The following HDAC9 variants were observed in gnomAD, a reference collection of about 807,000 sequenced individuals.
The protein encoded by HDAC9 is histone deacetylase 9.
HDAC9 carries 41 observed loss-of-function variants against 139.4 expected under a neutral mutation model. The ratio of observed to expected loss-of-function variants is 0.29; its 90% CI spans 0.23 to 0.38. The LOEUF (loss-of-function observed/expected upper bound fraction) is 0.38, where lower values mean the gene tolerates loss of function less well. Ranked by LOEUF, HDAC9 falls within the 10% of genes least tolerant of loss-of-function variation. The pLI is 1.00. For synonymous variants in HDAC9, 517 were observed against 476.2 expected, an observed-to-expected ratio of 1.09 and a Z score of -1.12; for missense variants, 1,147 against 1,297.0, an observed-to-expected ratio of 0.88 and a Z score of 1.78.
chr7:18,321,773 C>T lies in HDAC9; in HGVS notation c.-42+31258C>T, dbSNP rs192292297. Among the ~76,000 whole-genome samples the T allele has an allele frequency of 1.4e-4, 22 of 152,256 alleles. No homozygotes were observed. The East Asian group carries it at 1.5e-3, about 11-fold the overall frequency. ...TGTATAGTGTGCCCCAGATGAGACG[C>T]GCCCTGGTGCACAATAGAACCATAT... On this transcript the variant is annotated intron_variant, in intron 1 of 3. Transcript: ENST00000413509.
At chr7:18,215,602 T>C (rs555546662) in intron 2 of HDAC9, among the ~76,000 whole-genome samples, 3 of 152,316 alleles carry the variant, frequency 2.0e-5, no homozygotes, top group South Asian at 4.1e-4. Flanking sequence ...GACTGTGTCC[T>C]TGCCCTCAAA....
chr7:18,118,734 A>G (rs1363378634), intron 1 of HDAC9, among the ~76,000 whole-genome samples: 1 of 152,150 alleles, frequency 6.6e-6, no homozygotes, highest in African/African-American at 2.4e-5. Context: ...ATCCTTGTCT[A>G]TTTTGTATCC....
intron 6 of HDAC9, among the ~76,000 whole-genome samples, chr7:18,603,806 A>G (rs903600287): frequency 1.3e-5 from 2 of 152,114 alleles, no homozygotes; most frequent in South Asian, 2.1e-4. Context: ...AACTTTTAAC[A>G]TTTCTTGTAT....
chr7:18,402,365 CT>C (rs1021344744), intron 1 of HDAC9, among the ~76,000 whole-genome samples: 1 of 152,114 alleles, frequency 6.6e-6, no homozygotes, highest in Admixed American at 6.6e-5. Context: ...ATCTTAAAGA[CT>C]GAGTAGGAAT....
chr7:18,387,159 C>T (rs1786014249), intron 1 of HDAC9, among the ~76,000 whole-genome samples: 1 of 152,162 alleles, frequency 6.6e-6, no homozygotes. Flanking sequence ...TTAAAAAGCT[C>T]CCATTTTTAT....
At chr7:18,726,500 A>C (rs1396777888) in intron 12 of HDAC9, among the ~76,000 whole-genome samples, 1 of 152,158 alleles carries the variant, frequency 6.6e-6, no homozygotes, top group Non-Finnish European at 1.5e-5. Context: ...AGACGTTTAA[A>C]AATACTTTGG....
rs967640065 is a variant in HDAC9, at chr7:18,627,957, G to A, written c.665-1393G>A. 6.6e-5 allele frequency among the ~76,000 whole-genome samples: 10 copies of A among 151,882 alleles called. No individual in the cohort carries two copies. In the East Asian group the frequency reaches 7.7e-4, roughly 12 times the overall value. ...ACATATAATGCAAGAGTTCTCCATC[G>A]AAGCTTAAAGCAAAAAGTATAGATA... is the stretch of plus-strand genomic sequence containing the variant. On this transcript the variant is annotated intron_variant, in intron 6 of 25. Transcript: ENST00000686413.
At chr7:18,980,715 C>CTCTTCTTCTTTCT (rs1784862621) in intron 25 of HDAC9, among the ~76,000 whole-genome samples, 1 of 133,466 alleles carries the variant, frequency 7.5e-6, no homozygotes, top group Admixed American at 8.0e-5. Context: ...TTCCTTCTTC[C>CTCTTCTTCTTTCT]TCTTCTTCTT....
chr7:18,348,358 C>T (rs893005611), intron 1 of HDAC9, among the ~76,000 whole-genome samples: 3 of 152,150 alleles, frequency 2.0e-5, no homozygotes. Flanking sequence ...ACACTTACTA[C>T]ATGTGTGATT....
chr7:18,614,483 AAGC>A, intron 6 of HDAC9, among the ~76,000 whole-genome samples: 1 of 152,272 alleles, frequency 6.6e-6, no homozygotes, highest in Non-Finnish European at 1.5e-5. Flanking sequence ...TTAAAGTAGG[AAGC>A]ATCTTTTCAG....
At chr7:18,982,035 T>C (rs1056665893) in intron 25 of HDAC9, among the ~76,000 whole-genome samples, 6 of 152,120 alleles carry the variant, frequency 3.9e-5, no homozygotes, top group African/African-American at 7.2e-5. Flanking sequence ...GGTGGAAGAA[T>C]GTGTAGATTT....
At chr7:18,731,021 C>G (rs557656535) in intron 13 of HDAC9, among the ~76,000 whole-genome samples, 1 of 152,256 alleles carries the variant, frequency 6.6e-6, no homozygotes, top group East Asian at 1.9e-4. Flanking sequence ...ACATAGAGAG[C>G]ATGGAGCTGC....
chr7:18,648,575 G>C lies in HDAC9; in HGVS notation c.1359G>C (p.Gln453His). ...GTCACAGACCCCTGAACCGAACCCA[G>C]TCTGCACCTTTGCCTCAGAGCACGT... ...LPRHRPLNRT[Q>H]SAPLPQSTLA... Residue 453 changes from glutamine (Q) to histidine (H), a missense_variant, in exon 11 of 26, where the codon CAG (glutamine) becomes CAC (histidine). By Grantham distance (24) the Gln-to-His change is conservative. Around this residue, in one of 7 missense-constraint regions of HDAC9, gnomAD observed 264 missense variants for 273.8 expected, o/e 0.96. Transcript: ENST00000686413. 1 of 1,613,614 alleles carries C rather than the reference G, an allele frequency of 6.2e-7. No homozygotes were observed. Among genetic ancestry groups the C allele is most frequent in the Non-Finnish European group, 8.5e-7 (1 of 1,179,748 alleles).
intron 1 of HDAC9, among the ~76,000 whole-genome samples, chr7:18,392,546 T>C (rs1276540217): frequency 1.3e-5 from 2 of 152,110 alleles, no homozygotes; most frequent in Admixed American, 1.3e-4. Context: ...TTATAATTAT[T>C]AGCTTAAATC....
chr7:18,694,325 C>G (rs922025036), intron 12 of HDAC9, among the ~76,000 whole-genome samples: 8 of 152,174 alleles, frequency 5.3e-5, no homozygotes, highest in South Asian at 4.1e-4. Context: ...TTGATTTCTT[C>G]TCCTTCCTTT....
At chr7:18,633,926 C>T (rs570249133) in intron 7 of HDAC9, among the ~76,000 whole-genome samples, 5 of 152,038 alleles carry the variant, frequency 3.3e-5, no homozygotes, top group African/African-American at 4.8e-5. Context: ...AAGAATCTGT[C>T]TTGTTGTTGC....
intron 1 of HDAC9, among the ~76,000 whole-genome samples, chr7:18,142,891 G>A (rs1397575103): frequency 1.3e-5 from 2 of 152,176 alleles, no homozygotes; most frequent in Non-Finnish European, 2.9e-5. Context: ...ACCATTATAT[G>A]ATGCTGAGGG....
chr7:18,724,202 G>A (rs936649883), intron 12 of HDAC9, among the ~76,000 whole-genome samples: 3 of 151,920 alleles, frequency 2.0e-5, no homozygotes, highest in Non-Finnish European at 4.4e-5. Context: ...ATATCATCCC[G>A]AATTTTTCCT....
At chr7:18,493,509 G>A (rs771295441), upstream of HDAC9, among the ~76,000 whole-genome samples, 4 of 151,886 alleles carry the variant, frequency 2.6e-5, no homozygotes, top group Non-Finnish European at 4.4e-5. Context: ...GACTCCAATA[G>A]TGAGTCCTTT....
Sources: gnomAD v4.1 joint callset for allele counts (sites outside exome capture counted in the v4.1 genomes callset) on GRCh38, gnomAD v4.1.1 for gene constraint, gnomAD v4.1.1 regional missense constraint, MANE v1.5 for transcripts, NCBI Gene and HGNC (gene_info 2026-07-23, HGNC 2026-07-21) for gene names.